Variants in BMP5 observed in about 807,000 individuals in gnomAD.
BMP5 encodes bone morphogenetic protein 5.
BMP5 carries 23 observed loss-of-function variants against 46.6 expected under a neutral mutation model. That is an observed-to-expected ratio of 0.49 (90% CI 0.35 to 0.70). BMP5 has a LOEUF of 0.70. Ranked by LOEUF, BMP5 falls within the 30% of genes least tolerant of loss-of-function variation. The pLI is 0.00. For synonymous variants in BMP5, 204 were observed against 191.9 expected, an observed-to-expected ratio of 1.06 and a Z score of -0.52; for missense variants, 545 against 565.6, an observed-to-expected ratio of 0.96 and a Z score of 0.37.
chr6:55,774,163 A>C lies in BMP5; in HGVS notation c.913T>G (p.Phe305Val), dbSNP rs367881870. ...QSKQPFMVAF[F>V]KASEVLLRSV... The stretch of plus-strand genomic sequence containing the variant: ...CGAAGAAGTACCTCACTCGCCTTGA[A>C]GAAGGCCACCATGAATGGTTGTTTT... Residue 305 changes from phenylalanine (F) to valine (V), a missense_variant, in exon 4 of 7, where the codon TTC becomes GTC. By Grantham distance (50) the Phe-to-Val change is conservative. Transcript: ENST00000370830. 6.2e-7 allele frequency: 1 copy of C among 1,613,096 alleles called. No homozygotes were observed. Among genetic ancestry groups the C allele is most frequent in the African/African-American group, 1.3e-5 (1 of 74,840 alleles).
chr6:55,784,902 G>T (rs1169022814), intron 3 of BMP5, among the ~76,000 whole-genome samples: 1 of 151,740 alleles, frequency 6.6e-6, no homozygotes, highest in Non-Finnish European at 1.5e-5. Flanking sequence ...TAAGAGGGTG[G>T]CTCTGAAAAC....
chr6:55,770,121 T>G (rs1302282355), intron 4 of BMP5, among the ~76,000 whole-genome samples: 2 of 151,862 alleles, frequency 1.3e-5, no homozygotes, highest in African/African-American at 4.8e-5. Context: ...AGAGTCAGAT[T>G]GTCAGAAGAT....
At chr6:55,809,773 A>G (rs908000673) in intron 2 of BMP5, among the ~76,000 whole-genome samples, 11 of 152,124 alleles carry the variant, frequency 7.2e-5, no homozygotes, top group Non-Finnish European at 1.2e-4. Context: ...TGGTCCAGAA[A>G]AGCTTTAAGA....
intron 1 of BMP5, among the ~76,000 whole-genome samples, chr6:55,824,179 C>A (rs559790902): frequency 6.6e-6 from 1 of 151,616 alleles, no homozygotes; most frequent in Non-Finnish European, 1.5e-5. Context: ...ACAAATTTGG[C>A]AAATATTAAG....
intron 1 of BMP5, among the ~76,000 whole-genome samples, chr6:55,858,626 C>T (rs1053898034): frequency 6.6e-6 from 1 of 152,152 alleles, no homozygotes; most frequent in Non-Finnish European, 1.5e-5. Context: ...CTCATACAAA[C>T]AGAAATTGAA....
intron 1 of BMP5, among the ~76,000 whole-genome samples, chr6:55,871,326 A>T (rs898071874): frequency 6.6e-6 from 1 of 151,958 alleles, no homozygotes; most frequent in African/African-American, 2.4e-5. Flanking sequence ...GGAAAAAGCA[A>T]AGAATTCAAT....
At chr6:55,823,970 T>C (rs1324347566) in intron 1 of BMP5, among the ~76,000 whole-genome samples, 1 of 152,024 alleles carries the variant, frequency 6.6e-6, no homozygotes, top group Non-Finnish European at 1.5e-5. Context: ...TACAACCATA[T>C]GTTGAAATTT....
At chr6:55,765,370 T>C (rs1774894399) in intron 4 of BMP5, among the ~76,000 whole-genome samples, 1 of 152,186 alleles carries the variant, frequency 6.6e-6, no homozygotes, top group Non-Finnish European at 1.5e-5. Context: ...TATGATGATA[T>C]GCTGCTGTTT....
intron 1 of BMP5, among the ~76,000 whole-genome samples, chr6:55,849,129 A>G (rs77603436): frequency 0.077 from 11,689 of 151,974 alleles, 475 homozygotes; most frequent in Middle Eastern, 0.14. Context: ...TATTCTTTCA[A>G]TCAATATTTG....
At chr6:55,851,486 G>A (rs1405825252) in intron 1 of BMP5, among the ~76,000 whole-genome samples, 2 of 152,166 alleles carry the variant, frequency 1.3e-5, no homozygotes, top group African/African-American at 4.8e-5. Flanking sequence ...GCAGGTGGTA[G>A]TACCTCTGGA....
At chr6:55,824,221 A>G (rs1776477165) in intron 1 of BMP5, among the ~76,000 whole-genome samples, 1 of 151,982 alleles carries the variant, frequency 6.6e-6, no homozygotes, top group African/African-American at 2.4e-5. Context: ...ACAGTATGCT[A>G]TAACCTACTG....
At chr6:55,762,895 C>T (rs1035230133) in intron 4 of BMP5, among the ~76,000 whole-genome samples, 1 of 152,004 alleles carries the variant, frequency 6.6e-6, no homozygotes, top group African/African-American at 2.4e-5. Flanking sequence ...AGTATAAAAG[C>T]AACCGTAGAC....
chr6:55,759,171 A>AAAAAAAAAAAAAAAAAAAAAAAAAC, intron 5 of BMP5, 56 bp from the exon 6 acceptor site: 1 of 829,912 alleles, frequency 1.2e-6, no homozygotes. Flanking sequence ...AAAAAAAAAA[A>AAAAAAAAAAAAAAAAAAAAAAAAAC]AAAAAAAAAA....
intron 1 of BMP5, among the ~76,000 whole-genome samples, chr6:55,844,749 G>C (rs999141417): frequency 2.0e-5 from 3 of 151,618 alleles, no homozygotes; most frequent in Non-Finnish European, 4.4e-5. Flanking sequence ...CTTGCCATAA[G>C]TAGTTTTGAA....
intron 2 of BMP5, among the ~76,000 whole-genome samples, chr6:55,807,464 C>T (rs1449998644): frequency 6.6e-6 from 1 of 152,132 alleles, no homozygotes; most frequent in Non-Finnish European, 1.5e-5. Flanking sequence ...AATCGGTTTG[C>T]CAGTATTTTA....
At chr6:55,769,885 T>A (rs1775005329) in intron 4 of BMP5, among the ~76,000 whole-genome samples, 1 of 151,816 alleles carries the variant, frequency 6.6e-6, no homozygotes, top group Non-Finnish European at 1.5e-5. Context: ...GCACTAATAT[T>A]TTGAAAGGAA....
chr6:55,872,410 G>C (rs1231898497), intron 1 of BMP5, among the ~76,000 whole-genome samples: 1 of 151,506 alleles, frequency 6.6e-6, no homozygotes, highest in Non-Finnish European at 1.5e-5. Flanking sequence ...TGTTTCTCTA[G>C]AGTCAAATGA....
chr6:55,766,803 C>T (rs942431774), intron 4 of BMP5, among the ~76,000 whole-genome samples: 2 of 151,994 alleles, frequency 1.3e-5, no homozygotes, highest in African/African-American at 2.4e-5. Flanking sequence ...ATGCATACCC[C>T]AGCCATTTGA....
At chr6:55,793,590 G>A (rs992999112) in intron 3 of BMP5, among the ~76,000 whole-genome samples, 12 of 152,182 alleles carry the variant, frequency 7.9e-5, no homozygotes, top group African/African-American at 2.9e-4. Context: ...AGGGCATATA[G>A]TAGGTGCCCA....
Sources: allele counts gnomAD v4.1 joint callset (sites outside exome capture counted in the v4.1 genomes callset), GRCh38; gene constraint gnomAD v4.1.1; transcripts MANE v1.5; gene names NCBI Gene and HGNC (gene_info 2026-07-23, HGNC 2026-07-21).